The following CLYBL variants were observed in gnomAD, a reference collection of about 807,000 sequenced individuals.
CLYBL encodes the protein citramalyl-CoA lyase.
Under a neutral mutation model 38.9 loss-of-function variants are expected in CLYBL, and 31 were observed. That is an observed-to-expected ratio of 0.80 (90% CI 0.60 to 1.08). The LOEUF (loss-of-function observed/expected upper bound fraction) is 1.08. CLYBL is among the 50% of genes least tolerant of loss of function. CLYBL has a pLI of 0.00. For missense variants in CLYBL, 434 were observed against 411.6 expected (o/e 1.05, Z -0.47); for synonymous variants, 171 against 158.6 (o/e 1.08, Z -0.59).
intron 1 of CLYBL, among the ~76,000 whole-genome samples, chr13:99,740,988 G>A (rs2048745227): frequency 6.6e-6 from 1 of 152,156 alleles, no homozygotes; most frequent in South Asian, 2.1e-4. Context: ...CTGTCGATGG[G>A]AATCCTGTTC....
At position 99,807,862 on chromosome 13, in the gene CLYBL, G is replaced by C. The variant is rs113230214; in HGVS notation, c.249+34852G>C. On this transcript the variant is annotated intron_variant, in intron 2 of 8. Transcript: ENST00000339105. ...AGAAAAATAACTTGGGCCTAATCTAGGATATGAAGAATATGAGAAGAGTTA... is the reference window on the plus strand; with the variant it reads ...AGAAAAATAACTTGGGCCTAATCTACGATATGAAGAATATGAGAAGAGTTA... Among the ~76,000 whole-genome samples the C allele has an allele frequency of 4.8e-4, 73 of 152,154 alleles. 2 individuals are homozygous for C. The highest frequency in any genetic ancestry group is 1.8e-3 in the African/African-American group (73 of 41,508).
chr13:99,836,130 C>G (rs973679975), intron 2 of CLYBL, among the ~76,000 whole-genome samples: 2 of 152,092 alleles, frequency 1.3e-5, no homozygotes, highest in East Asian at 3.9e-4. Flanking sequence ...TGGGATTTCT[C>G]CTGGCGCTGC....
At chr13:99,660,811 C>A (rs1300957196) in intron 1 of CLYBL, among the ~76,000 whole-genome samples, 1 of 151,786 alleles carries the variant, frequency 6.6e-6, no homozygotes, top group Non-Finnish European at 1.5e-5. Context: ...CAATCACAGG[C>A]AAGGATATTT....
intron 1 of CLYBL, among the ~76,000 whole-genome samples, chr13:99,632,367 G>C (rs1482668965): frequency 6.6e-6 from 1 of 152,230 alleles, no homozygotes; most frequent in Non-Finnish European, 1.5e-5. Context: ...CTGTCTGCTA[G>C]AACAAAAATT....
intron 1 of CLYBL, among the ~76,000 whole-genome samples, chr13:99,754,615 C>T (rs563847734): frequency 6.6e-5 from 10 of 151,108 alleles, no homozygotes; most frequent in African/African-American, 2.4e-4. Flanking sequence ...GACAAAGTCG[C>T]GTTCTGTAGC....
intron 2 of CLYBL, among the ~76,000 whole-genome samples, chr13:99,856,569 C>T (rs2051463266): frequency 6.6e-6 from 1 of 152,144 alleles, no homozygotes. Context: ...GAAGAACATG[C>T]TTTAGGTTCT....
intron 2 of CLYBL, among the ~76,000 whole-genome samples, chr13:99,781,668 G>T (rs934310405): frequency 3.3e-5 from 5 of 151,806 alleles, no homozygotes; most frequent in African/African-American, 9.7e-5. Flanking sequence ...GTAGAGATGG[G>T]GGTTTCATCA....
chr13:99,784,449 CTTTTTTTT>C (rs772465561), intron 2 of CLYBL, among the ~76,000 whole-genome samples: 31 of 52,124 alleles, frequency 5.9e-4, no homozygotes, highest in East Asian at 5.9e-3. Flanking sequence ...AAAATTCTCT[CTTTTTTTT>C]TTTTTTTTTT....
intron 1 of CLYBL, among the ~76,000 whole-genome samples, chr13:99,700,876 G>C (rs1280499211): frequency 6.6e-6 from 1 of 152,188 alleles, no homozygotes; most frequent in Non-Finnish European, 1.5e-5. Flanking sequence ...GAAAGAACTT[G>C]AAAACAAATG....
At chr13:99,844,575 G>A (rs1269708065) in intron 2 of CLYBL, among the ~76,000 whole-genome samples, 1 of 152,192 alleles carries the variant, frequency 6.6e-6, no homozygotes, top group Non-Finnish European at 1.5e-5. Context: ...TAAAAAGGCC[G>A]GTGATTCTGG....
intron 2 of CLYBL, among the ~76,000 whole-genome samples, chr13:99,800,912 A>C (rs76423618): frequency 0.022 from 3,359 of 151,734 alleles, 72 homozygotes; most frequent in South Asian, 0.063. Context: ...AAAAACAAAA[A>C]AAAAAAAACG....
chr13:99,882,661 T>C (rs572502869), intron 7 of CLYBL, among the ~76,000 whole-genome samples: 1 of 150,268 alleles, frequency 6.7e-6, no homozygotes, highest in Admixed American at 6.6e-5. Context: ...TGAGACCCTG[T>C]CTCAAAAAAA....
At chr13:99,661,266 T>C (rs1297959851) in intron 1 of CLYBL, among the ~76,000 whole-genome samples, 1 of 152,180 alleles carries the variant, frequency 6.6e-6, no homozygotes, top group Non-Finnish European at 1.5e-5. Flanking sequence ...TAGAAGAATT[T>C]CCAGAAAATT....
intron 1 of CLYBL, among the ~76,000 whole-genome samples, chr13:99,681,655 C>T (rs773581450): frequency 3.3e-5 from 5 of 151,280 alleles, no homozygotes; most frequent in African/African-American, 4.9e-5. Flanking sequence ...GGCACGGTCT[C>T]GGCTCATTGC....
rs1044559300 is a variant in CLYBL, at chr13:99,786,965, G to A, written c.249+13955G>A. Among the ~76,000 whole-genome samples the A allele has an allele frequency of 5.5e-4, 83 of 152,146 alleles. 1 individual carries two copies. Among genetic ancestry groups the A allele is most frequent in the Admixed American group, 1.9e-3 (29 of 15,274 alleles). The stretch of plus-strand genomic sequence containing the variant: ...CATTTCTCTGATGGCCAGTGATGAT[G>A]AGCATTTTTTCATGTGTGTGTTGGC... On this transcript the variant is annotated intron_variant, in intron 2 of 8. Coordinates refer to ENST00000339105, the MANE Select transcript of CLYBL (RefSeq NM_206808.5).
chr13:99,712,359 G>A (rs1373527107), intron 1 of CLYBL, among the ~76,000 whole-genome samples: 6 of 138,878 alleles, frequency 4.3e-5, no homozygotes, highest in African/African-American at 1.6e-4. Flanking sequence ...TTTTGAGACA[G>A]GGTCTCGCTC....
chr13:99,626,746 A>G (rs2046875171), intron 1 of CLYBL, among the ~76,000 whole-genome samples: 1 of 152,138 alleles, frequency 6.6e-6, no homozygotes, highest in Non-Finnish European at 1.5e-5. Context: ...AGAGACCTTA[A>G]TGAGAAACTT....
chr13:99,663,606 G>A (rs1214669893), intron 1 of CLYBL, among the ~76,000 whole-genome samples: 2 of 152,176 alleles, frequency 1.3e-5, no homozygotes, highest in Admixed American at 6.5e-5. Context: ...TCGAGACCAA[G>A]CATCGATACT....
chr13:99,757,500 G>T (rs1368217795), intron 1 of CLYBL, among the ~76,000 whole-genome samples: 1 of 152,126 alleles, frequency 6.6e-6, no homozygotes, highest in Non-Finnish European at 1.5e-5. Flanking sequence ...TTGTTGCTCA[G>T]GCTGGAGTGC....
Sources: gnomAD v4.1 joint callset for allele counts (sites outside exome capture counted in the v4.1 genomes callset) on GRCh38, gnomAD v4.1.1 for gene constraint, MANE v1.5 for transcripts, NCBI Gene and HGNC (gene_info 2026-07-23, HGNC 2026-07-21) for gene names.